Variants in CCDC73 observed in about 807,000 individuals in gnomAD.
The protein encoded by CCDC73 is coiled-coil domain containing 73, also known as coiled-coil domain-containing protein 73.
A neutral mutation model predicts 116.5 loss-of-function variants in CCDC73; 95 were observed. That is an observed-to-expected ratio of 0.82 (90% confidence interval 0.69 to 0.97). CCDC73 has a LOEUF of 0.97. CCDC73 is among the 50% of genes least tolerant of loss of function. The pLI is 0.00. For synonymous variants in CCDC73, 398 were observed against 401.3 expected (o/e 0.99, Z 0.10); for missense variants, 1,066 against 1,206.8 (o/e 0.88, Z 1.73).
chr11:32,762,706 T>A (rs1850402560), intron 1 of CCDC73, among the ~76,000 whole-genome samples: 1 of 152,080 alleles, frequency 6.6e-6, no homozygotes, highest in Non-Finnish European at 1.5e-5. Flanking sequence ...AACGGGTGAT[T>A]TCTGCATTTC....
intron 2 of CCDC73, among the ~76,000 whole-genome samples, chr11:32,741,175 C>T (rs1850180501): frequency 6.6e-6 from 1 of 151,750 alleles, no homozygotes; most frequent in Non-Finnish European, 1.5e-5. Flanking sequence ...CTATAAGTAC[C>T]TATTAGGTTC....
At chr11:32,734,950 C>T (rs1485046407) in intron 2 of CCDC73, among the ~76,000 whole-genome samples, 1 of 152,110 alleles carries the variant, frequency 6.6e-6, no homozygotes, top group Non-Finnish European at 1.5e-5. Context: ...GCAGAAAAGG[C>T]CTTTGACAAA....
intron 14 of CCDC73, among the ~76,000 whole-genome samples, chr11:32,617,818 A>C (rs925102794): frequency 6.6e-6 from 1 of 152,246 alleles, no homozygotes; most frequent in Non-Finnish European, 1.5e-5. Flanking sequence ...ATGAAGAGTT[A>C]GTAATACATT....
At chr11:32,800,723 A>G in the CCDC73 span, among the ~76,000 whole-genome samples, 1 of 152,102 alleles carries the variant, frequency 6.6e-6, no homozygotes, top group African/African-American at 2.4e-5. Context: ...CTCTCCTCCA[A>G]GTTGCAGGCC....
chr11:32,666,205 C>T (rs1040835279), intron 9 of CCDC73, among the ~76,000 whole-genome samples: 1 of 152,250 alleles, frequency 6.6e-6, no homozygotes, highest in Non-Finnish European at 1.5e-5. Context: ...GAATGTTGGC[C>T]TGCCTTGCTA....
At chr11:32,664,010 T>C (rs1307982250) in intron 9 of CCDC73, among the ~76,000 whole-genome samples, 2 of 152,214 alleles carry the variant, frequency 1.3e-5, no homozygotes, top group African/African-American at 4.8e-5. Flanking sequence ...TGAACCAACC[T>C]TGCATCCCAG....
intron 12 of CCDC73, among the ~76,000 whole-genome samples, chr11:32,647,225 G>A (rs549684613): frequency 6.6e-6 from 1 of 152,314 alleles, no homozygotes; most frequent in East Asian, 1.9e-4. Flanking sequence ...GAGGCCTAAG[G>A]AAGCTTTTAC....
chr11:32,628,498 TCCAGAGCTC>T (rs1199530964), intron 14 of CCDC73, among the ~76,000 whole-genome samples: 1 of 152,132 alleles, frequency 6.6e-6, no homozygotes, highest in East Asian at 1.9e-4. Context: ...CTGAGCAATT[TCCAGAGCTC>T]CCACAGGTCT....
intron 13 of CCDC73, among the ~76,000 whole-genome samples, chr11:32,638,015 A>C (rs1855697761): frequency 6.6e-6 from 1 of 152,208 alleles, no homozygotes; most frequent in Non-Finnish European, 1.5e-5. Context: ...AGTTAATGAT[A>C]TTATCATTCT....
chr11:32,656,157 A>G (rs1245217070), intron 9 of CCDC73, among the ~76,000 whole-genome samples: 1 of 151,056 alleles, frequency 6.6e-6, no homozygotes, highest in Non-Finnish European at 1.5e-5. Context: ...GGCTCACTGC[A>G]AGCTCCGCCT....
intron 1 of CCDC73, among the ~76,000 whole-genome samples, chr11:32,776,808 A>G (rs1184840613): frequency 1.3e-5 from 2 of 151,222 alleles, no homozygotes; most frequent in Non-Finnish European, 2.9e-5. Context: ...GCATATATAT[A>G]TACATATGTA....
intron 9 of CCDC73, among the ~76,000 whole-genome samples, chr11:32,655,981 T>A (rs932426996): frequency 2.6e-5 from 4 of 152,214 alleles, no homozygotes; most frequent in African/African-American, 9.6e-5. Flanking sequence ...AGAATCTGAT[T>A]TTCGGTCTCG....
chr11:32,784,992 G>A (rs368398183), intron 1 of CCDC73, among the ~76,000 whole-genome samples: 5 of 152,058 alleles, frequency 3.3e-5, no homozygotes, highest in African/African-American at 7.2e-5. Context: ...TGGCCAACAC[G>A]GTGAAACCCC....
chr11:32,800,962 A>G, the CCDC73 span, among the ~76,000 whole-genome samples: 3 of 152,200 alleles, frequency 2.0e-5, no homozygotes, highest in African/African-American at 7.2e-5. Flanking sequence ...ATAGGAAGTC[A>G]AGAGATGGAG....
At chr11:32,776,564 T>C (rs1292727017) in intron 1 of CCDC73, among the ~76,000 whole-genome samples, 1 of 152,124 alleles carries the variant, frequency 6.6e-6, no homozygotes, top group Non-Finnish European at 1.5e-5. Flanking sequence ...TCCACTTATC[T>C]ATCCATCTTT....
At chr11:32,615,006 A>G in intron 15 of CCDC73, 64 bp from the exon 16 acceptor site, 1 of 894,518 alleles carries the variant, frequency 1.1e-6, no homozygotes, top group African/African-American at 1.7e-5. Context: ...CATAAGACAT[A>G]TTTATCACCT....
rs376404299 is a variant in CCDC73 at position 32,642,059 on chromosome 11, C to T, written c.963G>A (p.Leu321=). 78 of 1,569,016 alleles carry T rather than the reference C, an allele frequency of 5.0e-5. No individual in the cohort carries two copies. Among genetic ancestry groups the T allele is most frequent in the Non-Finnish European group, 6.4e-5 (74 of 1,157,316 alleles). The change falls in exon 13 of 18, where the codon CTG becomes CTA. Residue 321 remains leucine (L), a synonymous_variant. Coordinates refer to ENST00000335185, the MANE Select transcript of CCDC73 (RefSeq NM_001008391.4). ...NNQTLERDNE[L]QREKVKENEE... is the part of the protein sequence containing the mutation. ...CATTTTCTTTTACCTTCTCCCTTTG[C>T]AGCTCATTATCTCTTTCAAGGGTCT...
chr11:32,679,846 A>T (rs1230801663), intron 7 of CCDC73: 1 of 152,256 alleles, frequency 6.6e-6, no homozygotes, highest in Non-Finnish European at 1.5e-5. Flanking sequence ...AAAATGTAGC[A>T]AAGATCAAAG....
chr11:32,675,513 C>T (rs1658328558), intron 9 of CCDC73, 52 bp downstream of exon 9: 2 of 1,165,938 alleles, frequency 1.7e-6, no homozygotes, highest in Admixed American at 4.8e-5. Flanking sequence ...GCGCATAAGA[C>T]TATTTTATAT....
Sources: gnomAD v4.1 joint callset for allele counts (sites outside exome capture counted in the v4.1 genomes callset) on GRCh38, gnomAD v4.1.1 for gene constraint, MANE v1.5 for transcripts, NCBI Gene and HGNC (gene_info 2026-07-23, HGNC 2026-07-21) for gene names.